Variants in RBFOX1 observed in about 807,000 individuals in gnomAD.
RBFOX1 encodes the protein RNA binding fox-1 homolog 1.
A neutral mutation model predicts 57.7 loss-of-function variants in RBFOX1; 8 were observed. That is an observed-to-expected ratio of 0.14 (90% CI 0.08 to 0.25). The LOEUF (loss-of-function observed/expected upper bound fraction) is 0.25. RBFOX1 is among the 10% of genes least tolerant of loss of function. RBFOX1 has a pLI of 1.00. For missense variants in RBFOX1, 611 were observed against 548.5 expected (o/e 1.11, Z -1.14); for synonymous variants, 326 against 222.4 (o/e 1.47, Z -4.15).
At chr16:6,887,774 A>G (rs183699928) in intron 3 of RBFOX1, among the ~76,000 whole-genome samples, 2 of 151,650 alleles carry the variant, frequency 1.3e-5, no homozygotes, top group East Asian at 3.9e-4. Context: ...GTGATTCTCC[A>G]GCCTCAGCCT....
At chr16:7,070,003 C>A (rs1255545137) in intron 4 of RBFOX1, among the ~76,000 whole-genome samples, 1 of 152,162 alleles carries the variant, frequency 6.6e-6, no homozygotes, top group Non-Finnish European at 1.5e-5. Flanking sequence ...AGTGGATATT[C>A]TCATCATCAT....
intron 4 of RBFOX1, among the ~76,000 whole-genome samples, chr16:7,408,012 C>G (rs1235134772): frequency 6.6e-6 from 1 of 152,142 alleles, no homozygotes; most frequent in Non-Finnish European, 1.5e-5. Flanking sequence ...TATTCCGTGG[C>G]TCTTTACAGA....
intron 3 of RBFOX1, among the ~76,000 whole-genome samples, chr16:6,810,382 T>G (rs1280623893): frequency 1.3e-5 from 2 of 152,018 alleles, no homozygotes; most frequent in African/African-American, 4.8e-5. Context: ...GGTGAAGAGG[T>G]AGGCACATAA....
intron 3 of RBFOX1, among the ~76,000 whole-genome samples, chr16:6,658,397 T>C (rs1470046329): frequency 2.0e-5 from 3 of 151,730 alleles, no homozygotes; most frequent in Non-Finnish European, 4.4e-5. Flanking sequence ...TTAGTAGAGG[T>C]GGGGTTTTAC....
intron 3 of RBFOX1, among the ~76,000 whole-genome samples, chr16:7,020,621 G>A (rs2038723114): frequency 6.6e-6 from 1 of 152,154 alleles, no homozygotes; most frequent in Admixed American, 6.5e-5. Flanking sequence ...GATCAGACAT[G>A]TCCACATAAA....
At chr16:7,240,839 G>C (rs1317432362) in intron 4 of RBFOX1, among the ~76,000 whole-genome samples, 1 of 152,190 alleles carries the variant, frequency 6.6e-6, no homozygotes, top group East Asian at 1.9e-4. Context: ...CAAAGTTCTA[G>C]GATTACAGGC....
At chr16:6,003,675 C>A (rs895884890) in intron 4 of RBFOX1, among the ~76,000 whole-genome samples, 1 of 152,272 alleles carries the variant, frequency 6.6e-6, no homozygotes, top group African/African-American at 2.4e-5. Context: ...AAGCTAGCCT[C>A]TGCTATTCCC....
intron 3 of RBFOX1, among the ~76,000 whole-genome samples, chr16:6,727,697 G>A (rs562711355): frequency 7.2e-5 from 11 of 152,048 alleles, no homozygotes; most frequent in Non-Finnish European, 1.2e-4. Flanking sequence ...AATGTCCCTG[G>A]TACACCTATC....
intron 3 of RBFOX1, among the ~76,000 whole-genome samples, chr16:6,682,983 G>A (rs1445857355): frequency 6.6e-6 from 1 of 151,830 alleles, no homozygotes; most frequent in Non-Finnish European, 1.5e-5. Flanking sequence ...CTGCAGTGTT[G>A]AGTGCTTTAC....
intron 3 of RBFOX1, among the ~76,000 whole-genome samples, chr16:6,690,300 T>C (rs1016024631): frequency 6.6e-6 from 1 of 152,136 alleles, no homozygotes; most frequent in African/African-American, 2.4e-5. Flanking sequence ...ATAATATGTG[T>C]GTTTTTAAGT....
At chr16:7,034,108 C>T (rs1167745043) in intron 3 of RBFOX1, among the ~76,000 whole-genome samples, 2 of 152,268 alleles carry the variant, frequency 1.3e-5, no homozygotes, top group Middle Eastern at 3.4e-3. Flanking sequence ...GGCTTAAGTG[C>T]CATCCCTGGA....
At chr16:7,400,345 C>G (rs892430448) in intron 4 of RBFOX1, among the ~76,000 whole-genome samples, 1 of 152,180 alleles carries the variant, frequency 6.6e-6, no homozygotes, top group Non-Finnish European at 1.5e-5. Context: ...TCTCCTCCCA[C>G]TGAACCCATC....
intron 4 of RBFOX1, among the ~76,000 whole-genome samples, chr16:7,083,177 C>G (rs1300321058): frequency 6.6e-6 from 1 of 152,040 alleles, no homozygotes; most frequent in Non-Finnish European, 1.5e-5. Flanking sequence ...TGCTGACACC[C>G]CCCGAGGGGA....
chr16:6,301,665 C>G (rs1018249544), intron 1 of RBFOX1, among the ~76,000 whole-genome samples: 4 of 152,212 alleles, frequency 2.6e-5, no homozygotes, highest in Admixed American at 2.6e-4. Context: ...CCCAAAACTA[C>G]TCTTAAAAAA....
intron 4 of RBFOX1, among the ~76,000 whole-genome samples, chr16:5,965,921 C>G (rs996149371): frequency 6.6e-6 from 1 of 152,106 alleles, no homozygotes; most frequent in Non-Finnish European, 1.5e-5. Flanking sequence ...CCCTGAGATA[C>G]CCTCCCCAGA....
chr16:5,933,788 G>GT (rs151209838), intron 4 of RBFOX1, among the ~76,000 whole-genome samples: 25,762 of 146,542 alleles, frequency 0.18, 2,404 homozygotes, highest in East Asian at 0.29. Flanking sequence ...GTTTTTTTTT[G>GT]TTTTTTTTTT....
rs188869605 is a variant in RBFOX1 at position 6,716,253 on chromosome 16, G to A, written c.-16+61603G>A. ...TTCTCTTAGTATGTATTTCCCCTTT[G>A]CCTGGATTACTTACCACAAAGCCAT... is the stretch of plus-strand genomic sequence containing the variant. On this transcript the variant is annotated intron_variant, in intron 3 of 15. Coordinates refer to ENST00000550418, the MANE Select transcript of RBFOX1 (RefSeq NM_018723.4). 2.0e-5 allele frequency among the ~76,000 whole-genome samples: 3 copies of A among 152,124 alleles called. No individual in the cohort carries two copies. The East Asian group carries it at 5.8e-4, about 29-fold the overall frequency.
chr16:5,432,371 G>A (rs1359415547), intron 1 of RBFOX1, among the ~76,000 whole-genome samples: 2 of 152,122 alleles, frequency 1.3e-5, no homozygotes, highest in South Asian at 2.1e-4. Flanking sequence ...TGAAGCTCTC[G>A]ACTGCTCCGT....
At chr16:5,433,806 C>G (rs1040332701) in intron 1 of RBFOX1, among the ~76,000 whole-genome samples, 2 of 152,156 alleles carry the variant, frequency 1.3e-5, no homozygotes, top group Non-Finnish European at 2.9e-5. Flanking sequence ...TCCCCAGCAT[C>G]TAGCATGGTG....
Sources: gnomAD v4.1 joint callset for allele counts (sites outside exome capture counted in the v4.1 genomes callset) on GRCh38, gnomAD v4.1.1 for gene constraint, MANE v1.5 for transcripts, NCBI Gene and HGNC (gene_info 2026-07-23, HGNC 2026-07-21) for gene names.